The following FGGY variants were observed in gnomAD, a reference collection of about 807,000 sequenced individuals.
FGGY encodes the protein FGGY carbohydrate kinase domain-containing protein.
A neutral mutation model predicts 71.3 loss-of-function variants in FGGY; 72 were observed. That is an observed-to-expected ratio of 1.01 (90% CI 0.84 to 1.23). The LOEUF is 1.23. Ranked by LOEUF, FGGY falls within the 50% of genes most tolerant of loss-of-function variation. FGGY has a pLI of 0.00. For synonymous variants in FGGY, 251 were observed against 250.3 expected (o/e 1.00, Z -0.02); for missense variants, 668 against 682.3 (o/e 0.98, Z 0.23).
chr1:59,598,767 A>T (rs1184983891), intron 8 of FGGY, among the ~76,000 whole-genome samples: 2 of 152,220 alleles, frequency 1.3e-5, no homozygotes, highest in Admixed American at 1.3e-4. Flanking sequence ...TTGCTTACAG[A>T]TAATATTAGA....
At chr1:59,467,823 A>G (rs1361959841) in intron 6 of FGGY, among the ~76,000 whole-genome samples, 1 of 152,130 alleles carries the variant, frequency 6.6e-6, no homozygotes, top group Non-Finnish European at 1.5e-5. Context: ...ATGAGTTAAT[A>G]TATGTTTGAA....
chr1:59,616,585 A>T (rs2096757139), intron 9 of FGGY, among the ~76,000 whole-genome samples: 2 of 152,192 alleles, frequency 1.3e-5, no homozygotes, highest in Admixed American at 1.3e-4. Context: ...TACATATGTA[A>T]CAAACCTGCA....
chr1:59,661,667 GATA>G (rs539064296), intron 12 of FGGY, among the ~76,000 whole-genome samples: 21 of 152,048 alleles, frequency 1.4e-4, no homozygotes, highest in Non-Finnish European at 2.4e-4. Flanking sequence ...TGATTATGAT[GATA>G]ATAATGAGTG....
intron 4 of FGGY, among the ~76,000 whole-genome samples, chr1:59,374,900 G>A (rs1458260301): frequency 6.4e-5 from 7 of 110,142 alleles, no homozygotes; most frequent in Middle Eastern, 6.0e-3. Flanking sequence ...ACACTCTGGG[G>A]ACTGTTGTGG....
intron 1 of FGGY, among the ~76,000 whole-genome samples, chr1:59,316,573 G>T (rs1008688606): frequency 6.6e-6 from 1 of 152,070 alleles, no homozygotes; most frequent in African/African-American, 2.4e-5. Flanking sequence ...TTGCACATTT[G>T]TTGAAGAATC....
At chr1:59,466,121 T>C (rs2092608885) in intron 6 of FGGY, among the ~76,000 whole-genome samples, 1 of 152,180 alleles carries the variant, frequency 6.6e-6, no homozygotes, top group African/African-American at 2.4e-5. Context: ...AAGGCTACAG[T>C]AACCAAAAGA....
intron 7 of FGGY, among the ~76,000 whole-genome samples, chr1:59,513,753 A>G (rs1339953090): frequency 1.3e-5 from 2 of 152,212 alleles, no homozygotes; most frequent in African/African-American, 2.4e-5. Flanking sequence ...TTATTAAATG[A>G]ATAGTCACAT....
chr1:59,599,017 C>A (rs1169714325), intron 8 of FGGY, among the ~76,000 whole-genome samples: 2 of 152,188 alleles, frequency 1.3e-5, no homozygotes, highest in Middle Eastern at 3.2e-3. Context: ...GAGTACCTAA[C>A]CCAGCATTGT....
At chr1:59,706,478 T>C (rs1473781999) in intron 14 of FGGY, among the ~76,000 whole-genome samples, 1 of 152,210 alleles carries the variant, frequency 6.6e-6, no homozygotes, top group Non-Finnish European at 1.5e-5. Flanking sequence ...TCATATATGG[T>C]ATCTGAATTT....
intron 5 of FGGY, among the ~76,000 whole-genome samples, chr1:59,410,726 C>T (rs996585050): frequency 1.3e-5 from 2 of 152,114 alleles, no homozygotes; most frequent in Non-Finnish European, 2.9e-5. Flanking sequence ...GAGGCTCGGG[C>T]AGGTAATTGA....
chr1:59,668,670 A>C (rs1242997024), intron 13 of FGGY, among the ~76,000 whole-genome samples: 1 of 152,192 alleles, frequency 6.6e-6, no homozygotes, highest in East Asian at 1.9e-4. Context: ...CTGAGACACA[A>C]GTCTGAGGAC....
intron 6 of FGGY, among the ~76,000 whole-genome samples, chr1:59,509,656 G>A (rs1034739513): frequency 5.3e-5 from 8 of 152,040 alleles, no homozygotes; most frequent in East Asian, 1.9e-4. Flanking sequence ...TGCTCAAGAC[G>A]CATCCTCTGC....
chr1:59,335,542 G>A lies in FGGY; in HGVS notation c.202-4416G>A, dbSNP rs140333945. 3.0e-3 allele frequency among the ~76,000 whole-genome samples: 464 copies of A among 152,226 alleles called. 3 individuals carry two copies. Among genetic ancestry groups the A allele is most frequent in the African/African-American group, 0.011 (438 of 41,550 alleles). On this transcript the variant is annotated intron_variant, in intron 2 of 15. Transcript: ENST00000303721. ...CATACAATTCTTTGTGTTGATGTAT[G>A]TTTTTATTTTATTTTATTTGGTTTG...
intron 7 of FGGY, among the ~76,000 whole-genome samples, chr1:59,539,403 A>G (rs1230688589): frequency 6.6e-6 from 1 of 152,340 alleles, no homozygotes; most frequent in Non-Finnish European, 1.5e-5. Flanking sequence ...TGAGGGAAGG[A>G]CAGACAACCC....
At chr1:59,664,819 G>A (rs1296659236) in intron 12 of FGGY, among the ~76,000 whole-genome samples, 1 of 152,150 alleles carries the variant, frequency 6.6e-6, no homozygotes, top group Non-Finnish European at 1.5e-5. Context: ...AGACTTGTAT[G>A]GTAGGTATTA....
At chr1:59,331,728 TTG>T (rs2048523945) in intron 2 of FGGY, 1 of 152,182 alleles carries the variant, frequency 6.6e-6, no homozygotes, top group Non-Finnish European at 1.5e-5. Flanking sequence ...TTTCTCTCCA[TTG>T]TTTTTCCAAT....
intron 5 of FGGY, among the ~76,000 whole-genome samples, chr1:59,432,184 G>A (rs954475720): frequency 2.6e-5 from 4 of 152,188 alleles, no homozygotes; most frequent in Admixed American, 2.0e-4. Context: ...TGCCTGGAGA[G>A]GGCATGAAAG....
chr1:59,620,614 T>C (rs1034681127), intron 9 of FGGY, among the ~76,000 whole-genome samples: 1 of 152,090 alleles, frequency 6.6e-6, no homozygotes, highest in African/African-American at 2.4e-5. Flanking sequence ...AAATGACTAT[T>C]TTTCAATTTT....
At chr1:59,638,419 A>AG (rs1264807592) in intron 11 of FGGY, 44 bp downstream of exon 11, 17 of 1,594,436 alleles carry the variant, frequency 1.1e-5, no homozygotes, top group Non-Finnish European at 1.3e-5. Context: ...GGCAGGCCAA[A>AG]GGGCTACAAA....
Sources: gnomAD v4.1 joint callset for allele counts (sites outside exome capture counted in the v4.1 genomes callset) on GRCh38, gnomAD v4.1.1 for gene constraint, MANE v1.5 for transcripts, NCBI Gene and HGNC (gene_info 2026-07-23, HGNC 2026-07-21) for gene names.